Variants in CAB39 observed in about 807,000 individuals in gnomAD.
CAB39 encodes calcium binding protein 39, also known as calcium-binding protein 39.
In CAB39, 8 loss-of-function variants were observed where a neutral mutation model predicts 40.0. That is an observed-to-expected ratio of 0.20 (90% confidence interval 0.12 to 0.36). The LOEUF (loss-of-function observed/expected upper bound fraction) is 0.36. Ranked by LOEUF, CAB39 falls within the 10% of genes least tolerant of loss-of-function variation. The probability of loss-of-function intolerance (pLI) is 1.00; values close to 1 mark genes in which losing one functional copy is unlikely to be tolerated. For synonymous variants in CAB39, 156 were observed against 141.6 expected (o/e 1.10, Z -0.72); for missense variants, 270 against 401.1 (o/e 0.67, Z 2.79).
At chr2:230,800,728 C>A (rs1378300946) in intron 5 of CAB39, among the ~76,000 whole-genome samples, 1 of 152,044 alleles carries the variant, frequency 6.6e-6, no homozygotes, top group Admixed American at 6.6e-5. Context: ...GCAGCAAGAC[C>A]CCTGACCCCG....
chr2:230,819,333 G>A lies in CAB39; in HGVS notation c.*629G>A, dbSNP rs1696465630. 2 of 152,632 alleles carry A rather than the reference G, an allele frequency of 1.3e-5. No individual in the cohort carries two copies. The highest frequency in any genetic ancestry group is 4.8e-5 in the African/African-American group (2 of 41,454). 9.5% of individuals were successfully genotyped at this position (152,632 alleles called of 1,614,324 possible). ...TTTTCACAGCTTTCTAGAATTTTTT[G>A]ACATTTGATTTTCTTGAGACTTGTA... is the stretch of plus-strand genomic sequence containing the variant. On this transcript the variant is annotated 3_prime_UTR_variant, in exon 9 of 9. Transcript: ENST00000258418.
intron 8 of CAB39, chr2:230,818,225 A>G: frequency 2.2e-6 from 1 of 447,284 alleles, no homozygotes. Flanking sequence ...TCTTGTGCTG[A>G]GAAATAATTT....
chr2:230,762,753 G>A (rs1476799177), intron 2 of CAB39, among the ~76,000 whole-genome samples: 2 of 152,190 alleles, frequency 1.3e-5, no homozygotes, highest in African/African-American at 4.8e-5. Context: ...TAAATGCTGG[G>A]TCAGATTTTA....
intron 1 of CAB39, among the ~76,000 whole-genome samples, chr2:230,755,484 G>T (rs540279049): frequency 6.6e-6 from 1 of 152,038 alleles, no homozygotes; most frequent in East Asian, 1.9e-4. Flanking sequence ...CTTTTTGATG[G>T]GATTATTGGT....
At chr2:230,767,728 T>C (rs1348088931) in intron 2 of CAB39, among the ~76,000 whole-genome samples, 1 of 152,182 alleles carries the variant, frequency 6.6e-6, no homozygotes, top group East Asian at 1.9e-4. Flanking sequence ...CCCTGAGCAA[T>C]GAGGCCCATG....
intron 2 of CAB39, among the ~76,000 whole-genome samples, chr2:230,787,398 G>C (rs1021098723): frequency 6.6e-6 from 1 of 152,186 alleles, no homozygotes; most frequent in African/African-American, 2.4e-5. Context: ...GTATGTGAGA[G>C]CGTTTAGCTA....
chr2:230,772,955 T>C (rs1298369347), intron 2 of CAB39, among the ~76,000 whole-genome samples: 1 of 130,094 alleles, frequency 7.7e-6, no homozygotes, highest in Non-Finnish European at 1.5e-5. Flanking sequence ...CTGTAGTACA[T>C]CCATGTAACA....
chr2:230,717,168 T>C (rs1320827930), intron 1 of CAB39, among the ~76,000 whole-genome samples: 1 of 152,208 alleles, frequency 6.6e-6, no homozygotes, highest in East Asian at 1.9e-4. Context: ...AAACATTTTT[T>C]TTTACACACT....
At chr2:230,726,432 A>G (rs1694573338) in intron 1 of CAB39, among the ~76,000 whole-genome samples, 1 of 152,044 alleles carries the variant, frequency 6.6e-6, no homozygotes. Flanking sequence ...TCGGACTCCC[A>G]AAGTGCTGGG....
chr2:230,776,924 T>G (rs1304367147), intron 2 of CAB39, among the ~76,000 whole-genome samples: 5 of 152,160 alleles, frequency 3.3e-5, no homozygotes, highest in Non-Finnish European at 7.4e-5. Flanking sequence ...CCTGACCTCA[T>G]GATCCGCCCG....
chr2:230,743,951 G>A (rs183403402), intron 1 of CAB39, among the ~76,000 whole-genome samples: 27 of 138,138 alleles, frequency 2.0e-4, no homozygotes, highest in African/African-American at 2.5e-4. Context: ...ATGGAGTCTC[G>A]CTCTGTCACC....
chr2:230,736,912 C>T (rs1694797250), intron 1 of CAB39, among the ~76,000 whole-genome samples: 1 of 152,100 alleles, frequency 6.6e-6, no homozygotes, highest in African/African-American at 2.4e-5. Flanking sequence ...TGCTGCCAAC[C>T]TTTTAATTAA....
rs1696499817 is a variant in CAB39 at position 230,821,030 on chromosome 2, G to A, written c.*2326G>A. ...AGTGAATTTCTTATCAGAATATCTG[G>A]CTGGCCCTGTAATTTAAATTAAAAT... On this transcript the variant is annotated 3_prime_UTR_variant, in exon 9 of 9. Coordinates refer to ENST00000258418, the MANE Select transcript of CAB39 (RefSeq NM_016289.4). The A allele has an allele frequency of 6.6e-6, 1 of 152,496 alleles. No homozygotes were observed. The highest frequency in any genetic ancestry group is 2.4e-5 in the African/African-American group (1 of 41,404). The allele number at this position is 152,496 out of a possible 1,614,324, so 9.4% of individuals were successfully genotyped here. A position where few individuals can be genotyped will look rare whatever the true frequency, so the allele number is the denominator to read the frequency against.
chr2:230,729,188 C>T (rs1381504907), intron 1 of CAB39, among the ~76,000 whole-genome samples: 1 of 152,192 alleles, frequency 6.6e-6, no homozygotes, highest in Non-Finnish European at 1.5e-5. Flanking sequence ...GGGCGGTTTG[C>T]ACCAGCTAGT....
chr2:230,730,736 G>T (rs775943266), intron 1 of CAB39, among the ~76,000 whole-genome samples: 3 of 152,122 alleles, frequency 2.0e-5, no homozygotes, highest in Non-Finnish European at 4.4e-5. Flanking sequence ...GAGCCACTGC[G>T]CCCGGCCAAG....
chr2:230,773,350 TAC>T (rs1264490658), intron 2 of CAB39, among the ~76,000 whole-genome samples: 2 of 62,604 alleles, frequency 3.2e-5, no homozygotes, highest in Non-Finnish European at 3.3e-5. Context: ...GTGTGTGTGT[TAC>T]ATTAGGTACT....
chr2:230,784,884 G>T (rs138581133), intron 2 of CAB39, among the ~76,000 whole-genome samples: 2,079 of 152,274 alleles, frequency 0.014, 44 homozygotes, highest in African/African-American at 0.046. Context: ...TTACCCTACT[G>T]CTGTGTCCAG....
chr2:230,725,076 G>T, intron 1 of CAB39: 1 of 1,538,464 alleles, frequency 6.5e-7, no homozygotes, highest in Non-Finnish European at 9.0e-7. Context: ...TAGAGGACAG[G>T]GGAGGAGTCC....
chr2:230,727,027 C>A (rs11904700), intron 1 of CAB39, among the ~76,000 whole-genome samples: 1 of 150,890 alleles, frequency 6.6e-6, no homozygotes, highest in Admixed American at 6.6e-5. Flanking sequence ...ATAAGAAATA[C>A]GGAGAGGGAA....
Sources: gnomAD v4.1 joint callset for allele counts (sites outside exome capture counted in the v4.1 genomes callset) on GRCh38, gnomAD v4.1.1 for gene constraint, MANE v1.5 for transcripts, NCBI Gene and HGNC (gene_info 2026-07-23, HGNC 2026-07-21) for gene names.